Variants in ADGRV1 observed in about 807,000 individuals in gnomAD.
The protein encoded by ADGRV1 is G-protein coupled receptor 98.
ADGRV1 carries 359 observed loss-of-function variants against 596.2 expected under a neutral mutation model. The ratio of observed to expected loss-of-function variants is 0.60; its 90% CI spans 0.55 to 0.66. The LOEUF is 0.66. Ranked by LOEUF, ADGRV1 falls within the 30% of genes least tolerant of loss-of-function variation. ADGRV1 has a pLI of 0.00. For synonymous variants in ADGRV1, 2,681 were observed against 2,679.2 expected, an observed-to-expected ratio of 1.00 and a Z score of -0.02; for missense variants, 7,274 against 7,575.6, an observed-to-expected ratio of 0.96 and a Z score of 1.48.
intron 87 of ADGRV1, among the ~76,000 whole-genome samples, chr5:91,139,880 A>T (rs1794955765): frequency 6.6e-6 from 1 of 152,118 alleles, no homozygotes; most frequent in Admixed American, 6.6e-5. Flanking sequence ...GGACCACCTC[A>T]TTCTCTGGGA....
rs976191703 is a variant in ADGRV1 at position 90,745,751 on chromosome 5, A to G, written c.10930A>G (p.Ile3644Val). ...IGINDSVTITILSNDDAYGIV... is the reference protein window; with the variant it reads ...IGINDSVTITVLSNDDAYGIV... ...CATTAATGATTCTGTAACAATAACC[A>G]TTCTGTCTAATGATGATGCCTATGG... Residue 3644 changes from isoleucine to valine, a missense_variant, in exon 52 of 90, where the codon ATT becomes GTT. This residue lies in a region of ADGRV1 where 3,643 missense variants were observed against 3,809.2 expected (regional missense o/e 0.96). Coordinates refer to ENST00000405460, the MANE Select transcript of ADGRV1 (RefSeq NM_032119.4). 1 of 1,611,998 alleles carries G rather than the reference A, an allele frequency of 6.2e-7. No homozygotes were observed. Among genetic ancestry groups the G allele is most frequent in the Non-Finnish European group, 8.5e-7 (1 of 1,178,740 alleles).
At chr5:90,629,125 A>C (rs1020560315) in intron 8 of ADGRV1, 85 bp from the exon 9 acceptor site, 2 of 720,736 alleles carry the variant, frequency 2.8e-6, no homozygotes, top group Middle Eastern at 4.2e-4. Flanking sequence ...ATAAATATTA[A>C]AATTAGAATA....
intron 55 of ADGRV1, among the ~76,000 whole-genome samples, chr5:90,755,680 G>A (rs903642209): frequency 6.6e-6 from 1 of 151,740 alleles, no homozygotes; most frequent in African/African-American, 2.4e-5. Flanking sequence ...GAGAAGAACA[G>A]AGAAAGAGAG....
chr5:90,851,134 T>TGTGTGAGA (rs757909771), intron 79 of ADGRV1, among the ~76,000 whole-genome samples: 33 of 81,512 alleles, frequency 4.0e-4, no homozygotes, highest in South Asian at 3.2e-3. Context: ...TGTGTGTGTG[T>TGTGTGAGA]GAGAGAGAGA....
rs548714736 is a variant in ADGRV1, at chr5:90,592,350, G to A, written c.23-22485G>A. 5.3e-5 allele frequency among the ~76,000 whole-genome samples: 8 copies of A among 152,282 alleles called. No individual in the cohort carries two copies. In the South Asian group the frequency reaches 1.5e-3, roughly 28 times the overall value. On this transcript the variant is annotated intron_variant, in intron 1 of 89. Transcript: ENST00000405460. ...ATTGGAGACCATTATTCTAAGAGAA[G>A]TAACTCAGGAATGGAAAACCAAACA...
At position 91,140,574 on chromosome 5, in the gene ADGRV1, A is replaced by C. The variant is rs1217401130; in HGVS notation, c.18433-9456A>C. Among the ~76,000 whole-genome samples, 5 of 152,192 alleles carry C rather than the reference A, an allele frequency of 3.3e-5. No homozygotes were observed. The East Asian group carries it at 9.6e-4, about 29-fold the overall frequency. Reference sequence around the variant, plus strand: ...TTTTATTAAAACTTTTTAAAAAATTATCCTTGGATGCCAAACCTTTTCTAT... The same window carrying C: ...TTTTATTAAAACTTTTTAAAAAATTCTCCTTGGATGCCAAACCTTTTCTAT... On this transcript the variant is annotated intron_variant, in intron 87 of 89. Coordinates refer to ENST00000405460, the MANE Select transcript of ADGRV1 (RefSeq NM_032119.4).
At chr5:90,935,813 T>A (rs1775635273) in intron 83 of ADGRV1, among the ~76,000 whole-genome samples, 1 of 152,116 alleles carries the variant, frequency 6.6e-6, no homozygotes, top group Admixed American at 6.5e-5. Context: ...GGATTGCTTG[T>A]TACAAATGAA....
chr5:90,778,749 T>A, intron 63 of ADGRV1, 116 bp from the exon 64 acceptor site: 1 of 1,059,838 alleles, frequency 9.4e-7, no homozygotes, highest in Non-Finnish European at 1.3e-6. Flanking sequence ...TCTATATAAT[T>A]TTATAACCTT....
intron 1 of ADGRV1, among the ~76,000 whole-genome samples, chr5:90,596,275 C>A (rs1312963836): frequency 1.4e-5 from 2 of 146,800 alleles, no homozygotes; most frequent in African/African-American, 2.5e-5. Context: ...ATAGGATGGC[C>A]GCCGGGCAGA....
chr5:91,135,719 C>T (rs957459637), intron 87 of ADGRV1, among the ~76,000 whole-genome samples: 1 of 152,136 alleles, frequency 6.6e-6, no homozygotes, highest in Non-Finnish European at 1.5e-5. Flanking sequence ...TTGCTATTTG[C>T]AGGGCACCAT....
At chr5:90,744,221 A>G (rs1335838960) in intron 50 of ADGRV1, among the ~76,000 whole-genome samples, 1 of 152,122 alleles carries the variant, frequency 6.6e-6, no homozygotes, top group African/African-American at 2.4e-5. Context: ...GGCTCAAGCA[A>G]TCTTCCTGCT....
chr5:90,787,496 TTA>T (rs1384762603), intron 67 of ADGRV1, among the ~76,000 whole-genome samples: 1 of 152,056 alleles, frequency 6.6e-6, no homozygotes, highest in African/African-American at 2.4e-5. Flanking sequence ...ATATAGATTT[TTA>T]TATGTTTTTA....
chr5:91,003,242 A>G lies in ADGRV1; in HGVS notation c.18152+17720A>G, dbSNP rs527500306. Among the ~76,000 whole-genome samples, 34 of 152,304 alleles carry G rather than the reference A, an allele frequency of 2.2e-4. 1 individual carries two copies. In the South Asian group the frequency reaches 6.6e-3, roughly 30 times the overall value. ...CTGCCCAGCTTTTTAGTGGATAGAA[A>G]TCCTGCGCCTTTTAATTGAGTGAAT... On this transcript the variant is annotated intron_variant, in intron 85 of 89. Coordinates refer to ENST00000405460, the MANE Select transcript of ADGRV1 (RefSeq NM_032119.4).
intron 86 of ADGRV1, among the ~76,000 whole-genome samples, chr5:91,080,708 C>G (rs1375921337): frequency 6.6e-6 from 1 of 151,984 alleles, no homozygotes; most frequent in African/African-American, 2.4e-5. Context: ...CCAAAACATC[C>G]CTAGTTTTCC....
At chr5:90,633,129 A>C (rs988706869) in intron 9 of ADGRV1, among the ~76,000 whole-genome samples, 2 of 152,204 alleles carry the variant, frequency 1.3e-5, no homozygotes, top group African/African-American at 2.4e-5. Context: ...GTGGCAAACT[A>C]TCTGAAATAA....
chr5:90,715,377 C>T (rs533533342), intron 42 of ADGRV1, among the ~76,000 whole-genome samples: 6 of 152,312 alleles, frequency 3.9e-5, no homozygotes, highest in South Asian at 2.1e-4. Flanking sequence ...CATTTACCAG[C>T]TCCTATTTCT....
chr5:90,823,471 A>G lies in ADGRV1; in HGVS notation c.16243A>G (p.Thr5415Ala). The change falls in exon 76 of 90, where the codon ACA (threonine) becomes GCA (alanine). Residue 5415 changes from threonine to alanine, a missense_variant. Physicochemically the swap from Thr to Ala is moderately conservative, Grantham distance 58. Around this residue, in one of 5 missense-constraint regions of ADGRV1, gnomAD observed 1,874 missense variants for 1,970.2 expected, o/e 0.95. Transcript: ENST00000405460. Reference sequence around the variant, plus strand: ...CTTTTGGCGAGTCACACTTAACAAAACAGTCGTCGTGCTCCAGAAGGATGG... The same window carrying G: ...CTTTTGGCGAGTCACACTTAACAAAGCAGTCGTCGTGCTCCAGAAGGATGG... ...KVFWRVTLNKTVVVLQKDGVN... is the reference protein window; with the variant it reads ...KVFWRVTLNKAVVVLQKDGVN... The G allele has an allele frequency of 1.2e-6, 2 of 1,613,916 alleles. No individual in the cohort carries two copies. The highest frequency in any genetic ancestry group is 1.7e-6 in the Non-Finnish European group (2 of 1,179,878).
intron 1 of ADGRV1, among the ~76,000 whole-genome samples, chr5:90,573,850 A>C (rs1229042192): frequency 6.6e-6 from 1 of 152,154 alleles, no homozygotes; most frequent in Non-Finnish European, 1.5e-5. Context: ...GTGTGTGTGC[A>C]CGTGTGCATG....
At chr5:91,133,445 T>C (rs938225680) in intron 87 of ADGRV1, among the ~76,000 whole-genome samples, 5 of 152,220 alleles carry the variant, frequency 3.3e-5, no homozygotes, top group African/African-American at 1.2e-4. Context: ...TTTGCCACTG[T>C]CCTAAGCTAC....
Sources: gnomAD v4.1 joint callset for allele counts (sites outside exome capture counted in the v4.1 genomes callset) on GRCh38, gnomAD v4.1.1 for gene constraint, gnomAD v4.1.1 regional missense constraint, MANE v1.5 for transcripts, NCBI Gene and HGNC (gene_info 2026-07-23, HGNC 2026-07-21) for gene names.